ADAM32: variants seen among roughly 807,000 people sequenced by gnomAD.
ADAM32 encodes disintegrin and metalloproteinase domain-containing protein 32.
A neutral mutation model predicts 114.9 loss-of-function variants in ADAM32; 89 were observed. The observed-to-expected ratio is 0.77, with a 90% CI of 0.65 to 0.92. The LOEUF (loss-of-function observed/expected upper bound fraction) is 0.92. ADAM32 is among the 40% of genes least tolerant of loss of function. ADAM32 has a pLI of 0.00. For synonymous variants in ADAM32, 285 were observed against 307.5 expected, an observed-to-expected ratio of 0.93 and a Z score of 0.77; for missense variants, 870 against 932.8, an observed-to-expected ratio of 0.93 and a Z score of 0.88.
At chr8:39,111,489 A>C (rs1840154890) in intron 1 of ADAM32, among the ~76,000 whole-genome samples, 1 of 152,142 alleles carries the variant, frequency 6.6e-6, no homozygotes, top group Non-Finnish European at 1.5e-5. Flanking sequence ...TAATCCCAGC[A>C]CTTTGGGAGG....
chr8:39,160,582 CAT>C (rs1226736147), intron 6 of ADAM32, among the ~76,000 whole-genome samples: 1 of 136,510 alleles, frequency 7.3e-6, no homozygotes, highest in Non-Finnish European at 1.6e-5. Flanking sequence ...CCTCCACACA[CAT>C]ATAGTTTTTA....
chr8:39,240,055 A>G (rs1351382741), intron 16 of ADAM32, among the ~76,000 whole-genome samples: 1 of 152,238 alleles, frequency 6.6e-6, no homozygotes, highest in Non-Finnish European at 1.5e-5. Flanking sequence ...CAGTACTTAA[A>G]TTATACCCTA....
At chr8:39,283,468 C>G in intron 23 of ADAM32, 118 bp from the exon 24 acceptor site, 33 of 347,338 alleles carry the variant, frequency 9.5e-5, no homozygotes, top group Non-Finnish European at 1.1e-4. Flanking sequence ...GCAAATATTT[C>G]TTTTTTAGTA....
chr8:39,274,080 C>G (rs1812918957), intron 20 of ADAM32, among the ~76,000 whole-genome samples: 1 of 152,090 alleles, frequency 6.6e-6, no homozygotes, highest in Non-Finnish European at 1.5e-5. Flanking sequence ...TTTTTGGATA[C>G]TCTCCTCATT....
intron 2 of ADAM32, among the ~76,000 whole-genome samples, chr8:39,128,883 G>C (rs1440996022): frequency 6.6e-6 from 1 of 152,104 alleles, no homozygotes; most frequent in African/African-American, 2.4e-5. Context: ...TCTTCATTCT[G>C]GGGATACTTG....
chr8:39,279,824 A>G (rs1255227199), intron 22 of ADAM32, among the ~76,000 whole-genome samples: 2 of 152,122 alleles, frequency 1.3e-5, no homozygotes, highest in African/African-American at 2.4e-5. Context: ...TGATAAGCCC[A>G]CCCTCAAGGG....
intron 2 of ADAM32, among the ~76,000 whole-genome samples, chr8:39,134,896 C>CTG (rs1220820153): frequency 1.3e-5 from 2 of 152,100 alleles, no homozygotes; most frequent in African/African-American, 4.8e-5. Context: ...TGGCTCAAGC[C>CTG]TGTAATCCTA....
At chr8:39,162,612 A>G (rs1426747921) in intron 7 of ADAM32, among the ~76,000 whole-genome samples, 1 of 152,064 alleles carries the variant, frequency 6.6e-6, no homozygotes, top group Admixed American at 6.5e-5. Flanking sequence ...TGTGGAAGAC[A>G]GTGTGATGAT....
At chr8:39,131,998 A>G (rs929168341) in intron 2 of ADAM32, 7 of 317,680 alleles carry the variant, frequency 2.2e-5, no homozygotes, top group Admixed American at 6.8e-5. Context: ...GGTTCAAACG[A>G]TTTTCCTGCC....
rs145853603 is a variant in ADAM32 at position 39,113,338 on chromosome 8, C to T, written c.59-4748C>T. 2.7e-3 allele frequency among the ~76,000 whole-genome samples: 411 copies of T among 152,046 alleles called. 1 individual carries two copies. The highest frequency in any genetic ancestry group is 9.7e-3 in the African/African-American group (400 of 41,304). ...CTGCAGGGTGTCCTGTGTCATAACA[C>T]TGAAGCAGGGCAGTGCCATCTATAT... On this transcript the variant is annotated intron_variant, in intron 1 of 24. Transcript: ENST00000379907.
At position 39,194,332 on chromosome 8, in the gene ADAM32, A is replaced by G. The variant is rs570457891; in HGVS notation, c.1052+7287A>G. Among the ~76,000 whole-genome samples, 32 of 152,130 alleles carry G rather than the reference A, an allele frequency of 2.1e-4. 1 individual carries two copies. In the South Asian group the frequency reaches 6.0e-3, roughly 29 times the overall value. ...GGGCTCATGGGCTCTGTGCCTTCCA[A>G]TGCTCCAGTGGCAATGGTGGTGCAG... is the stretch of plus-strand genomic sequence containing the variant. On this transcript the variant is annotated intron_variant, in intron 11 of 24. Coordinates refer to ENST00000379907, the MANE Select transcript of ADAM32 (RefSeq NM_145004.7).
chr8:39,140,725 A>G (rs959442257), intron 3 of ADAM32, among the ~76,000 whole-genome samples: 2 of 152,178 alleles, frequency 1.3e-5, no homozygotes, highest in Admixed American at 1.3e-4. Context: ...TTCAGAAGGA[A>G]TGGTACCAGC....
chr8:39,148,126 G>A (rs186094542), intron 4 of ADAM32, among the ~76,000 whole-genome samples: 124 of 152,214 alleles, frequency 8.1e-4, no homozygotes, highest in African/African-American at 2.2e-3. Flanking sequence ...TTAAGACATA[G>A]TCAGATTACC....
intron 14 of ADAM32, among the ~76,000 whole-genome samples, chr8:39,230,870 A>T (rs1400640765): frequency 1.3e-5 from 2 of 152,216 alleles, no homozygotes; most frequent in South Asian, 4.1e-4. Flanking sequence ...AATTCTCATA[A>T]CAATTCATTG....
At chr8:39,162,474 T>C (rs1333890972) in intron 7 of ADAM32, among the ~76,000 whole-genome samples, 1 of 152,090 alleles carries the variant, frequency 6.6e-6, no homozygotes, top group Non-Finnish European at 1.5e-5. Context: ...TAAACATACG[T>C]GTGCATGTGT....
intron 12 of ADAM32, among the ~76,000 whole-genome samples, chr8:39,220,007 T>C (rs11992272): frequency 0.094 from 14,336 of 152,108 alleles, 2,292 homozygotes; most frequent in African/African-American, 0.33. Flanking sequence ...TCTTTTTTAG[T>C]TTTCTGTCTT....
chr8:39,249,694 T>C (rs1283965328), intron 17 of ADAM32, among the ~76,000 whole-genome samples: 2 of 152,222 alleles, frequency 1.3e-5, no homozygotes, highest in African/African-American at 2.4e-5. Flanking sequence ...TTACTTTCAC[T>C]TAATTCCTTC....
chr8:39,163,804 A>G (rs1804660705), intron 7 of ADAM32, among the ~76,000 whole-genome samples: 1 of 152,166 alleles, frequency 6.6e-6, no homozygotes, highest in Admixed American at 6.5e-5. Context: ...TTGAAGGAAG[A>G]CGATGAGTTT....
At chr8:39,211,355 T>A in intron 12 of ADAM32, 31 bp downstream of exon 12, 2 of 1,422,410 alleles carry the variant, frequency 1.4e-6, no homozygotes, top group Non-Finnish European at 1.8e-6. Flanking sequence ...AATTGATTAA[T>A]AAATTTATTG....
Sources: allele counts gnomAD v4.1 joint callset (sites outside exome capture counted in the v4.1 genomes callset), GRCh38; gene constraint gnomAD v4.1.1; transcripts MANE v1.5; gene names NCBI Gene and HGNC (gene_info 2026-07-23, HGNC 2026-07-21).